The following ITGA8 variants were observed in gnomAD, a reference collection of about 807,000 sequenced individuals.
ITGA8 encodes integrin alpha-8.
Under a neutral mutation model 142.3 loss-of-function variants are expected in ITGA8, and 91 were observed. The ratio of observed to expected loss-of-function variants is 0.64; its 90% CI spans 0.54 to 0.76. ITGA8 has a LOEUF of 0.76. Among genes scored for constraint, ITGA8 ranks in the 30% least tolerant of loss-of-function variants. The pLI is 0.00. For missense variants in ITGA8, 1,406 were observed against 1,327.7 expected (o/e 1.06, Z -0.92); for synonymous variants, 505 against 485.2 (o/e 1.04, Z -0.54).
In ITGA8 at chr10:15,524,626, A is replaced by T. The variant is rs116524833; in HGVS notation, c.2983-5214T>A. Among the ~76,000 whole-genome samples the T allele has an allele frequency of 2.7e-3, 406 of 152,314 alleles. 3 individuals are homozygous for T. Among genetic ancestry groups the T allele is most frequent in the African/African-American group, 9.3e-3 (388 of 41,556 alleles). On this transcript the variant is annotated intron_variant, in intron 28 of 29. Coordinates refer to ENST00000378076, the MANE Select transcript of ITGA8 (RefSeq NM_003638.3). ...TTCCATGTGCAGGTGGAAACCAGTA[A>T]AGCAAAGCTTTTCCTGAAACTCCAC...
intron 13 of ITGA8, among the ~76,000 whole-genome samples, chr10:15,621,649 A>T (rs1833493511): frequency 6.6e-6 from 1 of 151,936 alleles, no homozygotes; most frequent in Admixed American, 6.6e-5. Context: ...GGGAGAGTGA[A>T]CCCCTCCTAG....
chr10:15,519,465 A>G, intron 28 of ITGA8, 53 bp from the exon 29 acceptor site: 1 of 1,589,520 alleles, frequency 6.3e-7, no homozygotes, highest in Non-Finnish European at 8.6e-7. Context: ...ATTTGGTGAA[A>G]TAAAATAGTA....
chr10:15,630,837 A>G (rs2131633642), intron 13 of ITGA8, among the ~76,000 whole-genome samples: 1 of 152,124 alleles, frequency 6.6e-6, no homozygotes, highest in Admixed American at 6.5e-5. Flanking sequence ...TTTTAAAAAA[A>G]GCCTGACTTT....
chr10:15,696,545 C>G (rs529119565), intron 2 of ITGA8, among the ~76,000 whole-genome samples: 7 of 152,292 alleles, frequency 4.6e-5, no homozygotes, highest in African/African-American at 7.2e-5. Context: ...TAATAACTTA[C>G]CACTTGTCAC....
intron 27 of ITGA8, among the ~76,000 whole-genome samples, chr10:15,547,455 C>T (rs980607426): frequency 6.6e-6 from 1 of 152,124 alleles, no homozygotes; most frequent in African/African-American, 2.4e-5. Flanking sequence ...GCCTGTAGTC[C>T]CAGCTACTTG....
At position 15,544,676 on chromosome 10, in the gene ITGA8, T is replaced by A. The variant is rs114011315; in HGVS notation, c.2880+3779A>T. Among the ~76,000 whole-genome samples the A allele has an allele frequency of 1.9e-3, 289 of 152,342 alleles. 1 individual carries two copies. Among genetic ancestry groups the A allele is most frequent in the African/African-American group, 6.8e-3 (283 of 41,590 alleles). ...GATCTGTGGTAGCAACCCTCCAAGA[T>A]GGCCACCAGGGATTCTTCCCTCCTG... is the stretch of plus-strand genomic sequence containing the variant. On this transcript the variant is annotated intron_variant, in intron 27 of 29. Transcript: ENST00000378076.
chr10:15,548,292 C>T (rs752339423), intron 27 of ITGA8, among the ~76,000 whole-genome samples, 163 bp downstream of exon 27: 23 of 151,978 alleles, frequency 1.5e-4, no homozygotes, highest in Non-Finnish European at 3.2e-4. Flanking sequence ...GGTTTTTTAC[C>T]ATGTAGGCCA....
intron 22 of ITGA8, among the ~76,000 whole-genome samples, 178 bp from the exon 23 acceptor site, chr10:15,586,842 C>A (rs1832840943): frequency 6.6e-6 from 1 of 152,072 alleles, no homozygotes; most frequent in Non-Finnish European, 1.5e-5. Context: ...ATGCTAAGAT[C>A]TTTTATGATC....
intron 22 of ITGA8, among the ~76,000 whole-genome samples, chr10:15,591,576 T>C (rs188080597): frequency 6.6e-6 from 1 of 152,188 alleles, no homozygotes; most frequent in African/African-American, 2.4e-5. Context: ...ACTACTTTCT[T>C]CAGGTCTTCC....
rs1834937022 is a variant in ITGA8 at position 15,691,678 on chromosome 10, T to C, written c.344-3640A>G. On this transcript the variant is annotated intron_variant, in intron 2 of 29. Transcript: ENST00000378076. ...AGGCTCATAGAAGCAAACAGTAGAA[T>C]GGTAGTTACCAGAGGCTGGGGAGGG... is the stretch of plus-strand genomic sequence containing the variant. Among the ~76,000 whole-genome samples the C allele has an allele frequency of 2.6e-5, 4 of 152,150 alleles. No homozygotes were observed. The South Asian group carries it at 8.3e-4, about 32-fold the overall frequency.
At position 15,644,177 on chromosome 10, in the gene ITGA8, T is replaced by G. The variant is rs369879083; in HGVS notation, c.1252A>C (p.Lys418Gln). Reference sequence around the variant, plus strand: ...TTGTTCCCATTATAAATGAGCACTTTGCCTCTTTGATCCTTGCCTGCAAAA... The same window carrying G: ...TTGTTCCCATTATAAATGAGCACTTGGCCTCTTTGATCCTTGCCTGCAAAA... ...VPFAGKDQRG[K>Q]VLIYNGNKDG... The change falls in exon 13 of 30, where the codon AAA (lysine) becomes CAA (glutamine). Residue 418 changes from lysine to glutamine, a missense_variant. By Grantham distance (53) the Lys-to-Gln change is moderately conservative. Coordinates refer to ENST00000378076, the MANE Select transcript of ITGA8 (RefSeq NM_003638.3). 1 of 1,614,128 alleles carries G rather than the reference T, an allele frequency of 6.2e-7. No homozygotes were observed. Among genetic ancestry groups the G allele is most frequent in the Non-Finnish European group, 8.5e-7 (1 of 1,180,022 alleles).
chr10:15,575,425 G>A (rs1834267806), intron 24 of ITGA8, 64 bp downstream of exon 24: 2 of 1,097,164 alleles, frequency 1.8e-6, no homozygotes, highest in Admixed American at 1.7e-5. Context: ...ATGCTACATA[G>A]AATTTATTTG....
intron 3 of ITGA8, among the ~76,000 whole-genome samples, chr10:15,684,936 C>T (rs1386508713): frequency 1.3e-5 from 2 of 152,142 alleles, no homozygotes; most frequent in South Asian, 2.1e-4. Context: ...TAGTTTATCA[C>T]GGAAGCCGCA....
chr10:15,637,078 G>C (rs1346273736), intron 13 of ITGA8, among the ~76,000 whole-genome samples: 1 of 152,196 alleles, frequency 6.6e-6, no homozygotes, highest in Admixed American at 6.5e-5. Context: ...CTGGGCGGCG[G>C]AGTTTGCAGT....
intron 26 of ITGA8, among the ~76,000 whole-genome samples, chr10:15,556,668 G>T (rs1249058270): frequency 6.6e-6 from 1 of 152,120 alleles, no homozygotes; most frequent in Non-Finnish European, 1.5e-5. Flanking sequence ...GGTAAATGAG[G>T]TACCAGCACC....
intron 27 of ITGA8, among the ~76,000 whole-genome samples, chr10:15,547,323 G>A (rs1833693006): frequency 6.6e-6 from 1 of 152,170 alleles, no homozygotes; most frequent in Non-Finnish European, 1.5e-5. Context: ...TGTAATCCCA[G>A]CACTTTGGGA....
intron 2 of ITGA8, among the ~76,000 whole-genome samples, chr10:15,693,066 CAAAATAAAAT>C (rs372958181): frequency 2.0e-5 from 3 of 152,010 alleles, no homozygotes; most frequent in East Asian, 1.9e-4. Flanking sequence ...GACTCTGTCT[CAAAATAAAAT>C]AAAATAAAAT....
chr10:15,609,138 G>A (rs1290814751), intron 15 of ITGA8, among the ~76,000 whole-genome samples: 2 of 152,094 alleles, frequency 1.3e-5, no homozygotes, highest in Non-Finnish European at 2.9e-5. Context: ...CTTGGCTTTG[G>A]TCTGTGGCTA....
intron 27 of ITGA8, among the ~76,000 whole-genome samples, chr10:15,541,019 A>G (rs1833558705): frequency 1.3e-5 from 2 of 152,140 alleles, no homozygotes; most frequent in Admixed American, 6.5e-5. Flanking sequence ...TTGCCCTTCA[A>G]TTTGCATTCA....
Sources: allele counts gnomAD v4.1 joint callset (sites outside exome capture counted in the v4.1 genomes callset), GRCh38; gene constraint gnomAD v4.1.1; transcripts MANE v1.5; gene names NCBI Gene and HGNC (gene_info 2026-07-23, HGNC 2026-07-21).